The following DNM3 variants were observed in gnomAD, a reference collection of about 807,000 sequenced individuals.
DNM3 encodes dynamin 3, also known as dynamin-3.
DNM3 carries 47 observed loss-of-function variants against 101.6 expected under a neutral mutation model. The ratio of observed to expected loss-of-function variants is 0.46; its 90% CI spans 0.37 to 0.59. DNM3 has a LOEUF of 0.59. Ranked by LOEUF, DNM3 falls within the 20% of genes least tolerant of loss-of-function variation. The pLI is 0.00. For synonymous variants in DNM3, 385 were observed against 387.9 expected, an observed-to-expected ratio of 0.99 and a Z score of 0.09; for missense variants, 849 against 1,085.7, an observed-to-expected ratio of 0.78 and a Z score of 3.06.
intron 14 of DNM3, among the ~76,000 whole-genome samples, chr1:172,239,099 C>T (rs530833333): frequency 1.6e-3 from 246 of 152,266 alleles, no homozygotes; most frequent in African/African-American, 5.4e-3. Flanking sequence ...TGGCTATGGA[C>T]GCAGTCCCAG....
chr1:171,929,295 T>C (rs541953636), intron 2 of DNM3, among the ~76,000 whole-genome samples: 1 of 152,032 alleles, frequency 6.6e-6, no homozygotes, highest in South Asian at 2.1e-4. Flanking sequence ...TGGGGATAGC[T>C]AGAGACCCTG....
At chr1:172,170,130 A>T (rs148867723) in intron 14 of DNM3, among the ~76,000 whole-genome samples, 1,659 of 152,052 alleles carry the variant, frequency 0.011, 23 homozygotes, top group African/African-American at 0.037. Context: ...ATATCACATG[A>T]AGATAAGCTA....
intron 13 of DNM3, among the ~76,000 whole-genome samples, chr1:172,095,842 G>A (rs1446227125): frequency 2.0e-5 from 3 of 152,160 alleles, no homozygotes; most frequent in Non-Finnish European, 4.4e-5. Flanking sequence ...ACAAGTTGAT[G>A]TCAGCAAATG....
chr1:171,870,636 T>C (rs1482374393), intron 1 of DNM3, among the ~76,000 whole-genome samples: 1 of 152,164 alleles, frequency 6.6e-6, no homozygotes, highest in East Asian at 1.9e-4. Context: ...CTTTGCAAAT[T>C]AGATTATGTA....
At chr1:171,893,162 C>T (rs9425463) in intron 1 of DNM3, among the ~76,000 whole-genome samples, 64,796 of 151,936 alleles carry the variant, frequency 0.43, 13,953 homozygotes, top group African/African-American at 0.44. Context: ...TAGAGTTAGA[C>T]TGTCTGTTTT....
At chr1:172,130,418 A>T in intron 13 of DNM3, among the ~76,000 whole-genome samples, 1 of 152,066 alleles carries the variant, frequency 6.6e-6, no homozygotes, top group Non-Finnish European at 1.5e-5. Flanking sequence ...AATTATATAA[A>T]TACTTATCTA....
intron 1 of DNM3, among the ~76,000 whole-genome samples, chr1:171,905,870 C>CAA (rs112596756): frequency 2.6e-4 from 37 of 144,928 alleles, no homozygotes; most frequent in Admixed American, 6.2e-4. Context: ...TGTCTCAAGA[C>CAA]AAAAAAAAAA....
intron 4 of DNM3, among the ~76,000 whole-genome samples, chr1:172,009,209 GACTC>G (rs2046956209): frequency 7.1e-6 from 1 of 141,450 alleles, no homozygotes; most frequent in Admixed American, 7.4e-5. Flanking sequence ...TATAATTCTG[GACTC>G]ACTATTTTGT....
intron 13 of DNM3, among the ~76,000 whole-genome samples, chr1:172,121,178 G>C (rs1181859576): frequency 6.6e-6 from 1 of 152,090 alleles, no homozygotes; most frequent in Non-Finnish European, 1.5e-5. Context: ...TAACTTCAAA[G>C]GAAGCTCTGC....
At chr1:172,392,098 G>A (rs182673396) in intron 20 of DNM3, among the ~76,000 whole-genome samples, 4 of 152,336 alleles carry the variant, frequency 2.6e-5, no homozygotes, top group Admixed American at 2.6e-4. Context: ...AGAGGAAGGA[G>A]AGAGGTGGTG....
chr1:172,078,048 T>C (rs1389741494), intron 11 of DNM3, among the ~76,000 whole-genome samples: 2 of 152,150 alleles, frequency 1.3e-5, no homozygotes, highest in African/African-American at 4.8e-5. Context: ...CCTTTACCAT[T>C]ATGTAATTAC....
chr1:172,191,646 G>A (rs1286061857), intron 14 of DNM3, among the ~76,000 whole-genome samples: 1 of 152,174 alleles, frequency 6.6e-6, no homozygotes, highest in Non-Finnish European at 1.5e-5. Context: ...TGCTATCCAT[G>A]AGCATGGAGT....
intron 14 of DNM3, among the ~76,000 whole-genome samples, chr1:172,229,163 T>C (rs2061244722): frequency 6.6e-6 from 1 of 152,186 alleles, no homozygotes; most frequent in Non-Finnish European, 1.5e-5. Context: ...AATGAGTATT[T>C]GAACTCACTG....
At chr1:171,999,228 T>TA (rs1322443643) in intron 4 of DNM3, among the ~76,000 whole-genome samples, 1 of 151,980 alleles carries the variant, frequency 6.6e-6, no homozygotes, top group Non-Finnish European at 1.5e-5. Flanking sequence ...AGAGGAATGG[T>TA]ACTGAGGGAA....
At chr1:172,046,269 A>G (rs1032083477) in intron 9 of DNM3, among the ~76,000 whole-genome samples, 1 of 152,158 alleles carries the variant, frequency 6.6e-6, no homozygotes. Flanking sequence ...CATGGATGAA[A>G]TTGGAAACCA....
At chr1:171,957,032 A>G (rs182932680) in intron 2 of DNM3, among the ~76,000 whole-genome samples, 173 of 151,908 alleles carry the variant, frequency 1.1e-3, no homozygotes, top group African/African-American at 4.0e-3. Flanking sequence ...AGCCTTCACA[A>G]CTGTGATGGG....
At chr1:172,347,425 A>T (rs2066996838) in intron 17 of DNM3, among the ~76,000 whole-genome samples, 1 of 152,176 alleles carries the variant, frequency 6.6e-6, no homozygotes, top group South Asian at 2.1e-4. Flanking sequence ...AGAAATAAAA[A>T]GTTGTTTAAT....
At chr1:172,011,008 G>C (rs1214685228) in intron 4 of DNM3, among the ~76,000 whole-genome samples, 2 of 151,644 alleles carry the variant, frequency 1.3e-5, no homozygotes, top group Non-Finnish European at 2.9e-5. Flanking sequence ...TTATGGGAGT[G>C]CTGAATTCTA....
At chr1:172,266,634 C>T (rs1216538691) in intron 15 of DNM3, among the ~76,000 whole-genome samples, 1 of 152,152 alleles carries the variant, frequency 6.6e-6, no homozygotes, top group African/African-American at 2.4e-5. Context: ...TACCCTGATT[C>T]AGGAAGGTTT....
Sources: gnomAD v4.1 joint callset for allele counts (sites outside exome capture counted in the v4.1 genomes callset) on GRCh38, gnomAD v4.1.1 for gene constraint, MANE v1.5 for transcripts, NCBI Gene and HGNC (gene_info 2026-07-23, HGNC 2026-07-21) for gene names.